The following ATXN10 variants were observed in gnomAD, a reference collection of about 807,000 sequenced individuals.
The protein encoded by ATXN10 is ataxin 10.
In ATXN10, 28 loss-of-function variants were observed where a neutral mutation model predicts 52.9. That is an observed-to-expected ratio of 0.53 (90% CI 0.39 to 0.73). The LOEUF (loss-of-function observed/expected upper bound fraction) is 0.73, where lower values mean the gene tolerates loss of function less well. Ranked by LOEUF, ATXN10 falls within the 30% of genes least tolerant of loss-of-function variation. The probability of loss-of-function intolerance (pLI) is 0.00; values close to 1 mark genes in which losing one functional copy is unlikely to be tolerated. For missense variants in ATXN10, 565 were observed against 577.0 expected, an observed-to-expected ratio of 0.98 and a Z score of 0.21; for synonymous variants, 226 against 221.5, an observed-to-expected ratio of 1.02 and a Z score of -0.18.
chr22:45,808,846 G>A (rs1928188264), intron 10 of ATXN10, among the ~76,000 whole-genome samples: 1 of 152,182 alleles, frequency 6.6e-6, no homozygotes, highest in South Asian at 2.1e-4. Flanking sequence ...TATATGGATA[G>A]CTATATCTTT....
chr22:45,704,148 A>G (rs1202568585), intron 5 of ATXN10: 1 of 134,936 alleles, frequency 7.4e-6, no homozygotes, highest in African/African-American at 2.7e-5. Flanking sequence ...TTTCCAGTCC[A>G]TTTTCTCTCT....
intron 3 of ATXN10, among the ~76,000 whole-genome samples, chr22:45,695,517 T>A (rs1356618063): frequency 7.6e-5 from 11 of 144,192 alleles, no homozygotes; most frequent in Non-Finnish European, 1.7e-4. Context: ...TGAGATGGAG[T>A]CTTACTCTGT....
chr22:45,739,421 T>C (rs1925423765), intron 8 of ATXN10, among the ~76,000 whole-genome samples: 1 of 152,226 alleles, frequency 6.6e-6, no homozygotes, highest in African/African-American at 2.4e-5. Context: ...AATTTTTTCC[T>C]TTAAAAAGAT....
At position 45,764,771 on chromosome 22, in the gene ATXN10, T is replaced by C. The variant is rs527272418; in HGVS notation, c.1173+24233T>C. ...GTATATTTAGTAAGCTGCGGAGTTA[T>C]TGGAAATTCACAGGCGCTTCTGCTC... On this transcript the variant is annotated intron_variant, in intron 9 of 11. Coordinates refer to ENST00000252934, the MANE Select transcript of ATXN10 (RefSeq NM_013236.4). Among the ~76,000 whole-genome samples the C allele has an allele frequency of 5.9e-5, 9 of 152,318 alleles. No homozygotes were observed. In the South Asian group the frequency reaches 1.7e-3, roughly 28 times the overall value.
In ATXN10 at chr22:45,787,491, A is replaced by C. The variant is rs887737329; in HGVS notation, c.1174-19468A>C. ...GTTTCCTTCCCACCTTCTAGCCTCC[A>C]GTTCCCAAGCCTGGCATTTGCTTCT... On this transcript the variant is annotated intron_variant, in intron 9 of 11. Transcript: ENST00000252934. This position sits in a 1 kb window ranked among gnomAD's most constrained non-coding sequence, Gnocchi z 4.2. Among the ~76,000 whole-genome samples, 2 of 152,176 alleles carry C rather than the reference A, an allele frequency of 1.3e-5. No homozygotes were observed. The highest frequency in any genetic ancestry group is 6.5e-5 in the Admixed American group (1 of 15,280).
chr22:45,797,736 G>A (rs1176033402), intron 9 of ATXN10, among the ~76,000 whole-genome samples: 1 of 152,118 alleles, frequency 6.6e-6, no homozygotes, highest in Admixed American at 6.5e-5. Flanking sequence ...GACATAGAGT[G>A]GAGAAAGTCC....
At chr22:45,765,521 G>A (rs1290396195) in intron 9 of ATXN10, among the ~76,000 whole-genome samples, 2 of 152,160 alleles carry the variant, frequency 1.3e-5, no homozygotes, top group African/African-American at 4.8e-5. Context: ...CTGAGGGGTT[G>A]ATTGTGGTGG....
Position 45,732,285 on chromosome 22 carries a change from C to T in ATXN10, c.894+2695C>T, listed in dbSNP as rs1430598752. On this transcript the variant is annotated intron_variant, in intron 7 of 11. Coordinates refer to ENST00000252934, the MANE Select transcript of ATXN10 (RefSeq NM_013236.4). The surrounding 1 kb of genome is among the most constrained non-coding windows in gnomAD (Gnocchi z 4.5). Reference sequence around the variant, plus strand: ...CCTGGGCAACATAAGGAGACTCCATCTGTACAAAAAAAAAACACAAAGAAT... The same window carrying T: ...CCTGGGCAACATAAGGAGACTCCATTTGTACAAAAAAAAAACACAAAGAAT... Among the ~76,000 whole-genome samples the T allele has an allele frequency of 2.0e-5, 3 of 147,198 alleles. No homozygotes were observed. Among genetic ancestry groups the T allele is most frequent in the Admixed American group, 6.6e-5 (1 of 15,176 alleles).
intron 9 of ATXN10, among the ~76,000 whole-genome samples, chr22:45,782,881 T>C (rs1927198592): frequency 6.6e-6 from 1 of 152,186 alleles, no homozygotes; most frequent in Non-Finnish European, 1.5e-5. Context: ...TTTTGTCCTA[T>C]GCATATGTAC....
In ATXN10 at chr22:45,774,779, A is replaced by G. The variant is rs1926893838; in HGVS notation, c.1174-32180A>G. On this transcript the variant is annotated intron_variant, in intron 9 of 11. Coordinates refer to ENST00000252934, the MANE Select transcript of ATXN10 (RefSeq NM_013236.4). The surrounding 1 kb of genome is among the most constrained non-coding windows in gnomAD (Gnocchi z 6.2). Reference sequence around the variant, plus strand: ...GAAACCCTGTCTCTACTAAAAATACAAAAATTAGCTGAGTGTGGTGGCACG... The same window carrying G: ...GAAACCCTGTCTCTACTAAAAATACGAAAATTAGCTGAGTGTGGTGGCACG... Among the ~76,000 whole-genome samples, 1 of 152,214 alleles carries G rather than the reference A, an allele frequency of 6.6e-6. No homozygotes were observed. The highest frequency in any genetic ancestry group is 2.1e-4 in the South Asian group (1 of 4,836).
At chr22:45,796,144 G>T (rs2097428) in intron 9 of ATXN10, among the ~76,000 whole-genome samples, 3,910 of 152,286 alleles carry the variant, frequency 0.026, 59 homozygotes, top group Non-Finnish European at 0.041. Context: ...CCAGGGGGAG[G>T]TCTCTAAAAT....
At chr22:45,802,248 A>T (rs1467214139) in intron 9 of ATXN10, among the ~76,000 whole-genome samples, 1 of 152,214 alleles carries the variant, frequency 6.6e-6, no homozygotes, top group Non-Finnish European at 1.5e-5. Flanking sequence ...CTCAGTGTGA[A>T]CTGTAACTTG....
chr22:45,691,521 C>T (rs1054746849), intron 2 of ATXN10, among the ~76,000 whole-genome samples: 2 of 152,212 alleles, frequency 1.3e-5, no homozygotes, highest in African/African-American at 4.8e-5. Context: ...AGGCTGGGAA[C>T]ATTCTCTCCA....
intron 1 of ATXN10, among the ~76,000 whole-genome samples, chr22:45,687,477 C>T (rs894283394): frequency 1.3e-5 from 2 of 152,290 alleles, no homozygotes; most frequent in Middle Eastern, 3.4e-3. Context: ...ATTCTCGCTG[C>T]TTTCTTACAG....
rs1452872872 is a variant in ATXN10, at chr22:45,828,917, C to T, written c.1238-14074C>T. Among the ~76,000 whole-genome samples, 1 of 152,094 alleles carries T rather than the reference C, an allele frequency of 6.6e-6. No homozygotes were observed. The highest frequency in any genetic ancestry group is 1.5e-5 in the Non-Finnish European group (1 of 67,998). ...ACACTTCCTAACTCATTTTATGAAG[C>T]CAGCATTTCCCTGGTACAAAAGCTA... On this transcript the variant is annotated intron_variant, in intron 10 of 11. Transcript: ENST00000252934. This position sits in a 1 kb window ranked among gnomAD's most constrained non-coding sequence, Gnocchi z 4.5.
In ATXN10 at chr22:45,781,336, C is replaced by T. The variant is rs13347206; in HGVS notation, c.1174-25623C>T. Among the ~76,000 whole-genome samples, 587 of 152,130 alleles carry T rather than the reference C, an allele frequency of 3.9e-3. 4 individuals carry two copies. Among genetic ancestry groups the T allele is most frequent in the African/African-American group, 0.013 (554 of 41,502 alleles). ...GCCCAGCTGTACTGTCAGCAGAGAC[C>T]GAGTAGGGAGCATGAACAACCAGCT... On this transcript the variant is annotated intron_variant, in intron 9 of 11. Coordinates refer to ENST00000252934, the MANE Select transcript of ATXN10 (RefSeq NM_013236.4). The surrounding 1 kb of genome is among the most constrained non-coding windows in gnomAD (Gnocchi z 4.2).
Position 45,816,122 on chromosome 22 carries a change from A to G in ATXN10, c.1237+9100A>G, listed in dbSNP as rs891918106. ...AAAAAAATTCGCTAGGCGTGGTGGC[A>G]CGCACCCTTAGTCCCAGCTACTCGG... On this transcript the variant is annotated intron_variant, in intron 10 of 11. Coordinates refer to ENST00000252934, the MANE Select transcript of ATXN10 (RefSeq NM_013236.4). The surrounding 1 kb of genome is among the most constrained non-coding windows in gnomAD (Gnocchi z 5.8). 6.6e-6 allele frequency among the ~76,000 whole-genome samples: 1 copy of G among 152,040 alleles called. No individual in the cohort carries two copies. Among genetic ancestry groups the G allele is most frequent in the Non-Finnish European group, 1.5e-5 (1 of 68,008 alleles).
In ATXN10 at chr22:45,732,574, CTT is replaced by C. The variant is rs61315673; in HGVS notation, c.894+2998_894+2999del. Among the ~76,000 whole-genome samples, 17 of 143,970 alleles carry C rather than the reference CTT, an allele frequency of 1.2e-4. No individual in the cohort carries two copies. The highest frequency in any genetic ancestry group is 1.5e-4 in the African/African-American group (6 of 39,590). 94.4% of individuals were successfully genotyped at this position (143,970 alleles called of 152,430 possible). A position where few individuals can be genotyped will look rare whatever the true frequency, so the allele number is the denominator to read the frequency against. On this transcript the variant is annotated intron_variant, in intron 7 of 11. Transcript: ENST00000252934. This position sits in a 1 kb window ranked among gnomAD's most constrained non-coding sequence, Gnocchi z 4.5. ...TGCGTATTAATGCACATATGTCATA[CTT>C]TTTTTTTTTTTTTAAAAGAGGACCA...
rs9626460 is a variant in ATXN10 at position 45,844,210 on chromosome 22, G to A, written c.*539G>A. 0.091 allele frequency: 15,333 copies of A among 168,270 alleles called. 763 individuals carry two copies. The highest frequency in any genetic ancestry group is 0.13 in the Middle Eastern group (42 of 316). 10.4% of individuals were successfully genotyped at this position (168,270 alleles called of 1,614,324 possible). ...TTCGAGAACCCTCCCTCTTCATTTT[G>A]GGTACTGGGCTGTCTTGTCACTGAG... On this transcript the variant is annotated 3_prime_UTR_variant, in exon 12 of 12. Transcript: ENST00000252934.
Sources: allele counts gnomAD v4.1 joint callset (sites outside exome capture counted in the v4.1 genomes callset), GRCh38; gene constraint gnomAD v4.1.1; non-coding constraint Gnocchi (gnomAD v3.1); transcripts MANE v1.5; gene names NCBI Gene and HGNC (gene_info 2026-07-23, HGNC 2026-07-21).